Variants in DYNLT2 observed in about 807,000 individuals in gnomAD.
The protein encoded by DYNLT2 is dynein light chain Tctex-type protein 2.
In DYNLT2, 24 loss-of-function variants were observed where a neutral mutation model predicts 24.3. The ratio of observed to expected loss-of-function variants is 0.99; its 90% confidence interval spans 0.71 to 1.39. The LOEUF (loss-of-function observed/expected upper bound fraction) is 1.39, where lower values mean the gene tolerates loss of function less well. DYNLT2 is among the 40% of genes most tolerant of loss of function. DYNLT2 has a pLI of 0.00. For missense variants in DYNLT2, 246 were observed against 234.5 expected, an observed-to-expected ratio of 1.05 and a Z score of -0.32; for synonymous variants, 85 against 85.4, an observed-to-expected ratio of 1.00 and a Z score of 0.03.
intron 3 of DYNLT2, among the ~76,000 whole-genome samples, chr6:169,742,712 C>T (rs1237452849): frequency 6.6e-6 from 1 of 152,050 alleles, no homozygotes; most frequent in Non-Finnish European, 1.5e-5. Context: ...GAGTCTCCTG[C>T]CTTAGCCTCC....
At chr6:169,748,494 A>G (rs1374783639) in intron 1 of DYNLT2, among the ~76,000 whole-genome samples, 2 of 152,328 alleles carry the variant, frequency 1.3e-5, no homozygotes, top group East Asian at 1.9e-4. Flanking sequence ...GTAGTTTCTG[A>G]TAAGAATTAC....
In DYNLT2 at chr6:169,751,560, T is replaced by G; in HGVS notation, c.-102A>C. Reference sequence around the variant, plus strand: ...GCGGAAGTCTCCCACCTGCGCCTCGTACGGTAGGAAGTGCCCGCCAGGGCT... The same window carrying G: ...GCGGAAGTCTCCCACCTGCGCCTCGGACGGTAGGAAGTGCCCGCCAGGGCT... On this transcript the variant is annotated 5_prime_UTR_variant, in exon 1 of 4. Transcript: ENST00000366774. The G allele has an allele frequency of 6.2e-7, 1 of 1,609,986 alleles. No homozygotes were observed. The highest frequency in any genetic ancestry group is 1.1e-5 in the South Asian group (1 of 90,742).
chr6:169,750,668 G>A, intron 1 of DYNLT2: 1 of 152,056 alleles, frequency 6.6e-6, no homozygotes, highest in East Asian at 1.9e-4. Context: ...TTGTATCCTT[G>A]GGCAAACTAA....
downstream of DYNLT2, among the ~76,000 whole-genome samples, chr6:169,738,408 C>A (rs908263766): frequency 1.3e-5 from 2 of 152,192 alleles, no homozygotes; most frequent in African/African-American, 4.8e-5. Flanking sequence ...GTGATGCTAG[C>A]CCCAGTGGCG....
intron 3 of DYNLT2, 36 bp downstream of exon 3, chr6:169,743,044 T>G: frequency 7.0e-7 from 1 of 1,435,254 alleles, no homozygotes; most frequent in Non-Finnish European, 9.3e-7. Flanking sequence ...GCCTTATAGT[T>G]CTAATTGCTA....
intron 1 of DYNLT2, chr6:169,751,026 C>T: frequency 3.5e-6 from 1 of 288,860 alleles, no homozygotes; most frequent in South Asian, 6.5e-5. Context: ...CAATAATACT[C>T]AGAGTACTCT....
rs999119993 is a variant in DYNLT2 at position 169,744,092 on chromosome 6, T to A, written c.303A>T (p.Glu101Asp). 6.2e-7 allele frequency: 1 copy of A among 1,612,674 alleles called. No homozygotes were observed. The part of the protein sequence containing the change: ...PLKKFQAHSV[E>D]TKVQQILTES... Reference sequence around the variant, plus strand: ...CTGTTAGTATCTGCTGGACTTTAGTTTCTACTGAATGAGCTTGGAATTTCT... The same window carrying A: ...CTGTTAGTATCTGCTGGACTTTAGTATCTACTGAATGAGCTTGGAATTTCT... Residue 101 changes from glutamate to aspartate, a missense_variant, in exon 2 of 4, where the codon GAA (glutamate) becomes GAT (aspartate). Transcript: ENST00000366774.
intron 1 of DYNLT2, among the ~76,000 whole-genome samples, chr6:169,747,911 C>G (rs935682437): frequency 6.6e-6 from 1 of 152,174 alleles, no homozygotes; most frequent in Non-Finnish European, 1.5e-5. Context: ...GAGCTTTCTT[C>G]TAGAACAAAG....
chr6:169,741,908 C>G (rs1789687712), intron 3 of DYNLT2, among the ~76,000 whole-genome samples: 1 of 152,128 alleles, frequency 6.6e-6, no homozygotes, highest in South Asian at 2.1e-4. Context: ...CTTCTCTTCT[C>G]CATGGGAGCC....
At position 169,740,151 on chromosome 6, in the gene DYNLT2, T is replaced by A. The variant is rs750011760; in HGVS notation, c.*34A>T. On this transcript the variant is annotated 3_prime_UTR_variant, in exon 4 of 4. Coordinates refer to ENST00000366774, the MANE Select transcript of DYNLT2 (RefSeq NM_174910.3). ...TAAATTTCATTTATTTTTGAAAAGT[T>A]CGGAAGTAAACAATCCTTAGTACCT... 1 of 1,351,146 alleles carries A rather than the reference T, an allele frequency of 7.4e-7. No individual in the cohort carries two copies. Among genetic ancestry groups the A allele is most frequent in the Non-Finnish European group, 1.1e-6 (1 of 949,488 alleles). The allele number at this position is 1,351,146 out of a possible 1,614,324, so 83.7% of individuals were successfully genotyped here. A position where few individuals can be genotyped will look rare whatever the true frequency, so the allele number is the denominator to read the frequency against.
In DYNLT2 at chr6:169,744,270, G is replaced by GT. The variant is rs1562997028; in HGVS notation, c.124dup (p.Thr42AsnfsTer23). 6.2e-7 allele frequency: 1 copy of GT among 1,612,470 alleles called. No individual in the cohort carries two copies. Among genetic ancestry groups the GT allele is most frequent in the Admixed American group, 1.7e-5 (1 of 59,932 alleles). On this transcript the variant is annotated frameshift_variant, in exon 2 of 4. Transcript: ENST00000366774. LOFTEE classifies it high-confidence loss of function. ...TCTCAGTCTTTCTCTTAAAATCTGT[G>GT]TATACTGGAGGAGAAAGAGAGAGGG...
At chr6:169,751,259 G>C in intron 1 of DYNLT2, 80 bp downstream of exon 1, 4 of 1,534,724 alleles carry the variant, frequency 2.6e-6, no homozygotes, top group Non-Finnish European at 3.5e-6. Context: ...GTGGTGACGG[G>C]AGCGGGGCCC....
downstream of DYNLT2, among the ~76,000 whole-genome samples, chr6:169,735,297 T>C (rs1789538820): frequency 6.6e-6 from 1 of 152,274 alleles, no homozygotes; most frequent in Admixed American, 6.5e-5. Context: ...AATTCTTCTC[T>C]GATGTTAGTT....
At chr6:169,731,039 G>A in the DYNLT2 span, among the ~76,000 whole-genome samples, 2 of 152,116 alleles carry the variant, frequency 1.3e-5, no homozygotes, top group Admixed American at 6.6e-5. Context: ...GATGATAGCA[G>A]GGCAGAGGTT....
intron 2 of DYNLT2, among the ~76,000 whole-genome samples, chr6:169,743,614 G>T (rs1198857900): frequency 1.3e-5 from 2 of 152,100 alleles, no homozygotes; most frequent in South Asian, 2.1e-4. Context: ...TTAAAATTCA[G>T]ATTTTGGTTT....
In DYNLT2 at chr6:169,744,746, G is replaced by A. The variant is rs78922157; in HGVS notation, c.121-472C>T. ...ATACAATTATTTAGATAGCACATTCGTAAGTCTTAAGGTGAAAAGACACCA... is the reference window on the plus strand; with the variant it reads ...ATACAATTATTTAGATAGCACATTCATAAGTCTTAAGGTGAAAAGACACCA... On this transcript the variant is annotated intron_variant, in intron 1 of 3. Transcript: ENST00000366774. Among the ~76,000 whole-genome samples the A allele has an allele frequency of 7.6e-3, 1,135 of 150,302 alleles. 14 individuals carry two copies. Among genetic ancestry groups the A allele is most frequent in the African/African-American group, 0.026 (1,036 of 40,338 alleles).
At chr6:169,735,080 G>A in the DYNLT2 span, among the ~76,000 whole-genome samples, 2 of 152,150 alleles carry the variant, frequency 1.3e-5, no homozygotes, top group Admixed American at 1.3e-4. Context: ...TTGCATAGAG[G>A]TGTTTGTAGT....
chr6:169,725,586 G>C, the DYNLT2 span: 3 of 348,574 alleles, frequency 8.6e-6, no homozygotes, highest in Admixed American at 1.4e-4. Context: ...AGAAGAAACT[G>C]CATCTTTCAG....
chr6:169,729,089 C>T, the DYNLT2 span, among the ~76,000 whole-genome samples: 1 of 152,314 alleles, frequency 6.6e-6, no homozygotes. Context: ...AGACAACCAA[C>T]TTCAACACTT....
Sources: allele counts gnomAD v4.1 joint callset (sites outside exome capture counted in the v4.1 genomes callset), GRCh38; gene constraint gnomAD v4.1.1; transcripts MANE v1.5; gene names NCBI Gene and HGNC (gene_info 2026-07-23, HGNC 2026-07-21).